Variants in FRS2 observed in about 807,000 individuals in gnomAD.
FRS2 encodes the protein FGFR signalling adaptor.
In FRS2, 8 loss-of-function variants were observed where a neutral mutation model predicts 43.9. The ratio of observed to expected loss-of-function variants is 0.18; its 90% CI spans 0.11 to 0.33. FRS2 has a LOEUF of 0.33. Ranked by LOEUF, FRS2 falls within the 10% of genes least tolerant of loss-of-function variation. FRS2 has a pLI of 1.00. For synonymous variants in FRS2, 219 were observed against 220.3 expected, an observed-to-expected ratio of 0.99 and a Z score of 0.05; for missense variants, 534 against 627.6, an observed-to-expected ratio of 0.85 and a Z score of 1.59.
At chr12:69,518,823 T>G (rs2135599472) in intron 1 of FRS2, among the ~76,000 whole-genome samples, 1 of 151,840 alleles carries the variant, frequency 6.6e-6, no homozygotes, top group East Asian at 2.0e-4. Context: ...GAGACTGGCC[T>G]GACAAACATG....
At chr12:69,556,292 A>T (rs955699893) in intron 3 of FRS2, among the ~76,000 whole-genome samples, 1 of 152,026 alleles carries the variant, frequency 6.6e-6, no homozygotes, top group Non-Finnish European at 1.5e-5. Flanking sequence ...ATACATTTCT[A>T]TATTCAGTTT....
chr12:69,520,491 G>A (rs1875529661), intron 1 of FRS2, among the ~76,000 whole-genome samples: 1 of 150,698 alleles, frequency 6.6e-6, no homozygotes, highest in Admixed American at 6.6e-5. Context: ...AATCTTTGCC[G>A]GTTCCTATGT....
At chr12:69,471,556 G>T (rs1870296894) in intron 1 of FRS2, among the ~76,000 whole-genome samples, 1 of 152,226 alleles carries the variant, frequency 6.6e-6, no homozygotes, top group Non-Finnish European at 1.5e-5. Context: ...CTTATTCCAT[G>T]AAGTGTTTAC....
rs1008762706 is a variant in FRS2, at chr12:69,577,948, A to G, written c.*2993A>G. The G allele has an allele frequency of 7.2e-5, 11 of 152,576 alleles. No homozygotes were observed. Among genetic ancestry groups the G allele is most frequent in the South Asian group, 6.2e-4 (3 of 4,830 alleles). The allele number at this position is 152,576 out of a possible 1,614,324, so 9.5% of individuals were successfully genotyped here. ...TAATGTTGACCCTCTCCAGCGTTCA[A>G]TGTTATAAATAGAACAAGTCAAGCT... On this transcript the variant is annotated 3_prime_UTR_variant, in exon 9 of 9. Coordinates refer to ENST00000549921, the MANE Select transcript of FRS2 (RefSeq NM_001278356.2).
intron 4 of FRS2, 79 bp from the exon 5 acceptor site, chr12:69,568,926 A>G: frequency 6.3e-6 from 4 of 636,400 alleles, no homozygotes; most frequent in African/African-American, 1.9e-5. Context: ...TTTGTGTTAG[A>G]TGATTTCTAA....
Position 69,573,995 on chromosome 12 carries a change from T to A in FRS2, c.577-10T>A. On this transcript the variant is annotated splice_polypyrimidine_tract_variant and intron_variant, in intron 8 of 8. Coordinates refer to ENST00000549921, the MANE Select transcript of FRS2 (RefSeq NM_001278356.2). ...GTAAGTTAACTAATTCACTTTCTGT[T>A]TTGTTTTAGGTACATACCTATGTCA... The A allele has an allele frequency of 6.5e-7, 1 of 1,547,538 alleles. No homozygotes were observed. Among genetic ancestry groups the A allele is most frequent in the South Asian group, 1.2e-5 (1 of 83,674 alleles).
intron 1 of FRS2, among the ~76,000 whole-genome samples, chr12:69,514,794 T>G (rs1342274355): frequency 6.6e-6 from 1 of 150,848 alleles, no homozygotes; most frequent in Non-Finnish European, 1.5e-5. Flanking sequence ...ATCACACCAC[T>G]GCACTCCAGC....
intron 3 of FRS2, among the ~76,000 whole-genome samples, chr12:69,557,618 GTGCGCGCGCGCGCGCGCGCAGGTGCA>G (rs935568505): frequency 1.6e-5 from 2 of 126,578 alleles, no homozygotes; most frequent in Admixed American, 1.5e-4. Flanking sequence ...GTGTGTGTGT[GTGCGCGCGCGCGCGCGCGCAGGTGCA>G]TGCACGCTAG....
At chr12:69,498,542 T>C (rs1287328230) in intron 1 of FRS2, among the ~76,000 whole-genome samples, 1 of 151,908 alleles carries the variant, frequency 6.6e-6, no homozygotes, top group Non-Finnish European at 1.5e-5. Flanking sequence ...TGTGTGTGTG[T>C]GTGTGTGTGT....
chr12:69,550,855 T>C (rs1360160535), intron 3 of FRS2, among the ~76,000 whole-genome samples: 1 of 152,234 alleles, frequency 6.6e-6, no homozygotes, highest in African/African-American at 2.4e-5. Context: ...CAATATTCTT[T>C]GTAGCTGTTG....
intron 1 of FRS2, among the ~76,000 whole-genome samples, chr12:69,485,336 C>G (rs543468163): frequency 6.6e-6 from 1 of 151,648 alleles, no homozygotes; most frequent in East Asian, 2.0e-4. Flanking sequence ...GCGCCCGACA[C>G]CACGCCTGGC....
At chr12:69,487,070 G>A (rs1872023837) in intron 1 of FRS2, among the ~76,000 whole-genome samples, 1 of 152,180 alleles carries the variant, frequency 6.6e-6, no homozygotes, top group Admixed American at 6.5e-5. Flanking sequence ...ATAGATGAGG[G>A]CTTGCTAAAT....
chr12:69,543,020 A>G (rs1057427211), intron 3 of FRS2, among the ~76,000 whole-genome samples: 2 of 152,214 alleles, frequency 1.3e-5, no homozygotes, highest in Admixed American at 6.5e-5. Context: ...TTTTGAATCT[A>G]TAGTACAAAA....
At chr12:69,537,197 A>G (rs1056354883) in intron 3 of FRS2, among the ~76,000 whole-genome samples, 7 of 152,136 alleles carry the variant, frequency 4.6e-5, no homozygotes, top group Non-Finnish European at 7.4e-5. Context: ...TAGTTTTGGC[A>G]TATTCTTCTT....
chr12:69,503,650 G>A (rs1331309170), intron 1 of FRS2, among the ~76,000 whole-genome samples: 3 of 152,116 alleles, frequency 2.0e-5, no homozygotes, highest in Non-Finnish European at 4.4e-5. Flanking sequence ...GATTCTTTTG[G>A]GCTGTGGAGA....
intron 1 of FRS2, among the ~76,000 whole-genome samples, chr12:69,508,288 A>G (rs1480322784): frequency 6.6e-6 from 1 of 152,204 alleles, no homozygotes; most frequent in Admixed American, 6.5e-5. Flanking sequence ...GTAAGCTTTT[A>G]TAAAATATAT....
chr12:69,573,784 T>C (rs2135820163), intron 8 of FRS2, among the ~76,000 whole-genome samples: 1 of 152,354 alleles, frequency 6.6e-6, no homozygotes, highest in East Asian at 1.9e-4. Context: ...TTGAAGTCGT[T>C]ATTCTTTTAT....
intron 1 of FRS2, among the ~76,000 whole-genome samples, chr12:69,478,032 C>T (rs879321867): frequency 1.8e-4 from 28 of 152,232 alleles, no homozygotes; most frequent in South Asian, 4.1e-4. Context: ...TGAGCCACCG[C>T]GCCCGGCTGT....
chr12:69,525,136 C>G (rs1048523684), intron 1 of FRS2, among the ~76,000 whole-genome samples: 1 of 151,798 alleles, frequency 6.6e-6, no homozygotes, highest in African/African-American at 2.4e-5. Flanking sequence ...GTCCTCCACT[C>G]TGGAAGTTTT....
Sources: allele counts gnomAD v4.1 joint callset (sites outside exome capture counted in the v4.1 genomes callset), GRCh38; gene constraint gnomAD v4.1.1; transcripts MANE v1.5; gene names NCBI Gene and HGNC (gene_info 2026-07-23, HGNC 2026-07-21).